The following XG variants were observed in gnomAD, a reference collection of about 807,000 sequenced individuals.
XG encodes the protein glycoprotein Xg.
A neutral mutation model predicts 25.7 loss-of-function variants in XG; 24 were observed. That is an observed-to-expected ratio of 0.93 (90% confidence interval 0.68 to 1.31). The LOEUF is 1.31. XG is among the 40% of genes most tolerant of loss of function. The probability of loss-of-function intolerance (pLI) is 0.00; values close to 1 mark genes in which losing one functional copy is unlikely to be tolerated. For missense variants in XG, 181 were observed against 187.6 expected, an observed-to-expected ratio of 0.96 and a Z score of 0.21; for synonymous variants, 77 against 69.2, an observed-to-expected ratio of 1.11 and a Z score of -0.56.
intron 1 of XG, among the ~76,000 whole-genome samples, chrX:2,757,525 A>G (rs2050461316): frequency 6.6e-6 from 1 of 152,008 alleles, no homozygotes; most frequent in Non-Finnish European, 1.5e-5. Context: ...AGACTTATGA[A>G]AAAGATCACT....
chrX:2,772,847 C>T (rs903181551), intron 2 of XG, among the ~76,000 whole-genome samples: 10 of 152,150 alleles, frequency 6.6e-5, no homozygotes, highest in African/African-American at 1.2e-4. Context: ...TACCAAGAGC[C>T]CCCCATGAAT....
At chrX:2,773,436 AAGG>A (rs1434547765) in intron 2 of XG, among the ~76,000 whole-genome samples, 2 of 142,206 alleles carry the variant, frequency 1.4e-5, no homozygotes, top group African/African-American at 2.6e-5. Flanking sequence ...GGAAGGAAGA[AAGG>A]AGGGTGGGGA....
In XG at chrX:2,806,996, G is replaced by A. The variant is rs772519009; in HGVS notation, c.418+251G>A. 3.9e-4 allele frequency among the ~76,000 whole-genome samples: 21 copies of A among 53,938 alleles called. No individual in the cohort carries two copies. The highest frequency in any genetic ancestry group is 2.1e-3 in the African/African-American group (19 of 8,875). The allele number at this position is 53,938 out of a possible 115,157, so 46.8% of individuals were successfully genotyped here. A position where few individuals can be genotyped will look rare whatever the true frequency, so the allele number is the denominator to read the frequency against. ...TGTTACTGGGTGCATGTGTGTGCACGTGTGTGTGTATACATATGTGTTCAC... is the reference window on the plus strand; with the variant it reads ...TGTTACTGGGTGCATGTGTGTGCACATGTGTGTGTATACATATGTGTTCAC... On this transcript the variant is annotated intron_variant, in intron 8 of 10. Transcript: ENST00000644266.
At chrX:2,797,771 C>T (rs1160267950) in intron 7 of XG, among the ~76,000 whole-genome samples, 1 of 111,483 alleles carries the variant, frequency 9.0e-6, no homozygotes, top group African/African-American at 3.3e-5. Context: ...GTGGCTCATG[C>T]CTGTAATCCC....
At chrX:2,780,711 C>G (rs953557560) in intron 3 of XG, among the ~76,000 whole-genome samples, 7 of 137,706 alleles carry the variant, frequency 5.1e-5, no homozygotes, top group African/African-American at 2.0e-4. Context: ...GACCAAGACT[C>G]TGTCTCAAAA....
At chrX:2,773,045 A>C (rs1305421074) in intron 2 of XG, among the ~76,000 whole-genome samples, 2 of 143,136 alleles carry the variant, frequency 1.4e-5, no homozygotes, top group Non-Finnish European at 3.1e-5. Context: ...ACATTTTAAA[A>C]AGGAGACAGA....
At chrX:2,778,675 T>TA (rs1004532083) in intron 3 of XG, among the ~76,000 whole-genome samples, 1 of 152,032 alleles carries the variant, frequency 6.6e-6, no homozygotes, top group African/African-American at 2.4e-5. Context: ...GTCGCAGCTA[T>TA]AAAACAATGA....
At chrX:2,805,959 TA>T (rs749360753) in intron 7 of XG, among the ~76,000 whole-genome samples, 122 of 112,312 alleles carry the variant, frequency 1.1e-3, no homozygotes, top group South Asian at 4.1e-3. Flanking sequence ...CACAAAGCAT[TA>T]GTTTTAAAAA....
chrX:2,777,220 A>G (rs1477717187), intron 3 of XG, among the ~76,000 whole-genome samples: 1 of 152,208 alleles, frequency 6.6e-6, no homozygotes, highest in African/African-American at 2.4e-5. Context: ...TTAACAACAA[A>G]GTGAAACTTA....
intron 1 of XG, among the ~76,000 whole-genome samples, chrX:2,755,786 A>T (rs940869510): frequency 2.0e-5 from 3 of 152,114 alleles, no homozygotes; most frequent in African/African-American, 4.8e-5. Flanking sequence ...AAATGCACAG[A>T]CGACCCTGTT....
intron 3 of XG, among the ~76,000 whole-genome samples, chrX:2,775,485 A>G (rs1015866437): frequency 1.3e-4 from 20 of 152,152 alleles, no homozygotes; most frequent in Admixed American, 3.3e-4. Context: ...GGAAAGAGAG[A>G]GTGACTGCTT....
chrX:2,781,726 T>A lies in XG; in HGVS notation c.128-340T>A, dbSNP rs1459813041. Among the ~76,000 whole-genome samples, 4 of 112,449 alleles carry A rather than the reference T, an allele frequency of 3.6e-5. No individual in the cohort carries two copies. The Admixed American group carries it at 3.8e-4, about 11-fold the overall frequency. On this transcript the variant is annotated intron_variant, in intron 3 of 10. Transcript: ENST00000644266. ...TTGGTGTTATCTTCATCACAGGCAC[T>A]GGACTGTCGGTAAATTTATTCCATG... is the stretch of plus-strand genomic sequence containing the variant.
intron 2 of XG, among the ~76,000 whole-genome samples, chrX:2,771,679 G>A (rs2050822828): frequency 6.6e-6 from 1 of 152,200 alleles, no homozygotes; most frequent in Non-Finnish European, 1.5e-5. Flanking sequence ...TTGGGCTTTA[G>A]CATTGGGAAC....
chrX:2,782,264 C>A, intron 4 of XG, 136 bp downstream of exon 4: 1 of 721,903 alleles, frequency 1.4e-6, no homozygotes, highest in South Asian at 2.5e-5. Flanking sequence ...TAGTTTCTTT[C>A]CTCACTGGGG....
intron 6 of XG, 62 bp downstream of exon 6, chrX:2,794,665 G>A: frequency 8.7e-7 from 1 of 1,148,202 alleles, no homozygotes; most frequent in Non-Finnish European, 1.2e-6. Context: ...TGGGATGAGA[G>A]GCCTGAAGTT....
intron 1 of XG, among the ~76,000 whole-genome samples, chrX:2,753,433 A>G (rs1398759503): frequency 6.6e-6 from 1 of 152,162 alleles, no homozygotes; most frequent in African/African-American, 2.4e-5. Flanking sequence ...GGGCAAATCA[A>G]CTTCTACAAA....
chrX:2,801,854 G>T (rs369432406), intron 7 of XG, among the ~76,000 whole-genome samples: 1 of 110,728 alleles, frequency 9.0e-6, no homozygotes, highest in Admixed American at 9.6e-5. Flanking sequence ...GACTACAGGC[G>T]CCCGCCACCA....
Position 2,808,167 on chromosome X carries a change from A to G in XG, c.419-18A>G, listed in dbSNP as rs761175881. The G allele has an allele frequency of 4.1e-6, 5 of 1,208,467 alleles. No homozygotes were observed. The African/African-American group carries it at 7.0e-5, about 17-fold the overall frequency. On this transcript the variant is annotated intron_variant, in intron 8 of 10. Coordinates refer to ENST00000644266, the MANE Select transcript of XG (RefSeq NM_001141919.2). The stretch of plus-strand genomic sequence containing the variant: ...TAAGCTCTGCTGAATAAACACGAAC[A>G]TCCTTTTCCGCTTACAGGTGGAGAT...
At chrX:2,765,059 A>G (rs2050648535) in intron 1 of XG, among the ~76,000 whole-genome samples, 3 of 138,220 alleles carry the variant, frequency 2.2e-5, no homozygotes, top group Middle Eastern at 5.1e-3. Flanking sequence ...AAAAAAAAAA[A>G]AAAAAAGGCT....
Sources: allele counts gnomAD v4.1 joint callset (sites outside exome capture counted in the v4.1 genomes callset), GRCh38; gene constraint gnomAD v4.1.1; transcripts MANE v1.5; gene names NCBI Gene and HGNC (gene_info 2026-07-23, HGNC 2026-07-21).